WIPI2: variants seen among roughly 807,000 people sequenced by gnomAD.
WIPI2 encodes the protein WD repeat domain phosphoinositide-interacting protein 2.
Under a neutral mutation model 52.3 loss-of-function variants are expected in WIPI2, and 28 were observed. The ratio of observed to expected loss-of-function variants is 0.54; its 90% CI spans 0.40 to 0.73. The LOEUF (loss-of-function observed/expected upper bound fraction) is 0.73. Among genes scored for constraint, WIPI2 ranks in the 30% least tolerant of loss-of-function variants. The pLI, the probability that WIPI2 is intolerant of heterozygous loss-of-function variation, is 0.00. For synonymous variants in WIPI2, 268 were observed against 245.0 expected, an observed-to-expected ratio of 1.09 and a Z score of -0.88; for missense variants, 506 against 602.9, an observed-to-expected ratio of 0.84 and a Z score of 1.68.
At position 5,227,223 on chromosome 7, in the gene WIPI2, G is replaced by A. The variant is rs1783481436; in HGVS notation, c.892G>A (p.Val298Met). Residue 298 changes from valine to methionine, a missense_variant, in exon 10 of 13, where the codon GTG (valine) becomes ATG (methionine). Val to Met is a conservative substitution (Grantham distance 21). This residue lies in a region of WIPI2 where 237 missense variants were observed against 346.9 expected (regional missense o/e 0.68). Transcript: ENST00000288828. The surrounding 1 kb of genome is among the most constrained non-coding windows in gnomAD (Gnocchi z 8.1). ...PTTWTGYFGK[V>M]LMASTSYLPS... ...CACCTGGACCGGGTACTTCGGGAAA[G>A]TGCTCATGGCCTCCACCAGCTACCT... is the stretch of plus-strand genomic sequence containing the variant. 6.2e-7 allele frequency: 1 copy of A among 1,614,048 alleles called. No individual in the cohort carries two copies. The highest frequency in any genetic ancestry group is 8.5e-7 in the Non-Finnish European group (1 of 1,180,030).
chr7:5,201,711 A>G (rs1583548780), intron 3 of WIPI2, among the ~76,000 whole-genome samples: 1 of 152,166 alleles, frequency 6.6e-6, no homozygotes, highest in African/African-American at 2.4e-5. Flanking sequence ...GTGCCATTGC[A>G]CTCCAGCCTC....
intron 3 of WIPI2, 83 bp from the exon 4 acceptor site, chr7:5,214,452 G>A (rs1277934812): frequency 6.2e-7 from 1 of 1,613,530 alleles, no homozygotes; most frequent in East Asian, 2.2e-5. Flanking sequence ...GCCCAGGCAG[G>A]TGTTTGTTTT....
chr7:5,211,440 C>G (rs1782556383), intron 3 of WIPI2, among the ~76,000 whole-genome samples: 1 of 152,206 alleles, frequency 6.6e-6, no homozygotes, highest in Admixed American at 6.5e-5. Flanking sequence ...CCATTGCACT[C>G]CAGCCTGGGC....
chr7:5,207,613 G>A (rs1583558860), intron 3 of WIPI2, among the ~76,000 whole-genome samples: 1 of 152,090 alleles, frequency 6.6e-6, no homozygotes, highest in East Asian at 1.9e-4. Flanking sequence ...TTAATGGACA[G>A]ATATTTTCAC....
chr7:5,211,472 C>CA (rs1562395050), intron 3 of WIPI2, among the ~76,000 whole-genome samples: 2 of 152,056 alleles, frequency 1.3e-5, no homozygotes, highest in South Asian at 2.1e-4. Context: ...AACTCTGTCT[C>CA]AAAAAAATAA....
At chr7:5,214,169 G>A in intron 3 of WIPI2, 1 of 944,328 alleles carries the variant, frequency 1.1e-6, no homozygotes, top group African/African-American at 1.7e-5. Context: ...AGCAATTGCA[G>A]TTTCGTAGTA....
In WIPI2 at chr7:5,206,201, A is replaced by G. The variant is rs530993810; in HGVS notation, c.211+6543A>G. ...ACTCTGGGGTCATGTTCTACCTTCA[A>G]TACTTGGAGTGTATTGGATGTAAGG... On this transcript the variant is annotated intron_variant, in intron 3 of 12. Coordinates refer to ENST00000288828, the MANE Select transcript of WIPI2 (RefSeq NM_015610.4). Among the ~76,000 whole-genome samples, 59 of 152,194 alleles carry G rather than the reference A, an allele frequency of 3.9e-4. 1 individual carries two copies. Among genetic ancestry groups the G allele is most frequent in the African/African-American group, 9.9e-4 (41 of 41,528 alleles).
chr7:5,224,420 C>T (rs1483214653), intron 8 of WIPI2, among the ~76,000 whole-genome samples: 2 of 152,334 alleles, frequency 1.3e-5, no homozygotes, highest in Non-Finnish European at 2.9e-5. Flanking sequence ...CCAAGGGGTT[C>T]ACCTTGCCCG....
At chr7:5,222,815 G>A in intron 8 of WIPI2, 143 bp downstream of exon 8, 1 of 782,254 alleles carries the variant, frequency 1.3e-6, no homozygotes, top group Non-Finnish European at 2.1e-6. Flanking sequence ...GGTAAGATCT[G>A]GGCGTCGGTC....
At chr7:5,191,622 T>A (rs1323360131) in intron 1 of WIPI2, among the ~76,000 whole-genome samples, 1 of 151,246 alleles carries the variant, frequency 6.6e-6, no homozygotes, top group Non-Finnish European at 1.5e-5. Flanking sequence ...GAGAGAAGGG[T>A]GAGTTATGGG....
chr7:5,229,535 G>T (rs1429541571), intron 11 of WIPI2, 73 bp from the exon 12 acceptor site: 2 of 1,537,788 alleles, frequency 1.3e-6, no homozygotes, highest in Non-Finnish European at 8.8e-7. Flanking sequence ...GTTGCCGCAG[G>T]GCAGCCAGTG....
intron 2 of WIPI2, 125 bp downstream of exon 2, chr7:5,193,296 G>C: frequency 6.6e-7 from 1 of 1,519,030 alleles, no homozygotes; most frequent in Non-Finnish European, 8.8e-7. Flanking sequence ...AATCTGAAAT[G>C]GAAATATCAA....
At chr7:5,210,124 G>T (rs1199803315) in intron 3 of WIPI2, among the ~76,000 whole-genome samples, 1 of 151,968 alleles carries the variant, frequency 6.6e-6, no homozygotes, top group Admixed American at 6.6e-5. Context: ...GGCCAGGCTG[G>T]CCTCGAACGC....
intron 3 of WIPI2, among the ~76,000 whole-genome samples, chr7:5,206,121 G>T (rs1172826023): frequency 6.6e-6 from 1 of 152,066 alleles, no homozygotes; most frequent in Admixed American, 6.6e-5. Flanking sequence ...TACTAGAAAG[G>T]GTTTTTCCTG....
intron 7 of WIPI2, among the ~76,000 whole-genome samples, chr7:5,221,363 C>G (rs1169280814): frequency 1.3e-5 from 2 of 152,106 alleles, no homozygotes; most frequent in Non-Finnish European, 2.9e-5. Flanking sequence ...CCCACCTTGA[C>G]CTTCCATCAG....
At chr7:5,200,057 C>T (rs1407227008) in intron 3 of WIPI2, among the ~76,000 whole-genome samples, 1 of 152,244 alleles carries the variant, frequency 6.6e-6, no homozygotes, top group Non-Finnish European at 1.5e-5. Flanking sequence ...TGGCATTTTA[C>T]AGCATTGAAG....
intron 4 of WIPI2, among the ~76,000 whole-genome samples, chr7:5,215,832 A>T (rs142069468): frequency 6.6e-6 from 1 of 152,240 alleles, no homozygotes; most frequent in Admixed American, 6.5e-5. Flanking sequence ...CATCGTCTGC[A>T]TGTCTACATT....
At chr7:5,213,982 G>GC (rs1439484644) in intron 3 of WIPI2, among the ~76,000 whole-genome samples, 42 of 152,242 alleles carry the variant, frequency 2.8e-4, no homozygotes, top group Non-Finnish European at 5.3e-4. Context: ...ACCGCGCCCG[G>GC]CCCCTTCAGG....
intron 1 of WIPI2, 198 bp downstream of exon 1, chr7:5,190,691 G>A: frequency 4.7e-6 from 2 of 429,690 alleles, no homozygotes; most frequent in South Asian, 7.2e-5. Flanking sequence ...GTGCTGGCCT[G>A]GAGCTGCGGT....
Sources: allele counts gnomAD v4.1 joint callset (sites outside exome capture counted in the v4.1 genomes callset), GRCh38; gene constraint gnomAD v4.1.1; regional missense constraint gnomAD v4.1.1; non-coding constraint Gnocchi (gnomAD v3.1); transcripts MANE v1.5; gene names NCBI Gene and HGNC (gene_info 2026-07-23, HGNC 2026-07-21).